Variants in DOCK4 observed in about 807,000 individuals in gnomAD.
The protein encoded by DOCK4 is dedicator of cytokinesis 4.
DOCK4 carries 97 observed loss-of-function variants against 268.1 expected under a neutral mutation model. The ratio of observed to expected loss-of-function variants is 0.36; its 90% CI spans 0.31 to 0.43. The LOEUF is 0.43. Among genes scored for constraint, DOCK4 ranks in the 20% least tolerant of loss-of-function variants. The pLI is 1.00. For missense variants in DOCK4, 2,145 were observed against 2,455.7 expected (o/e 0.87, Z 2.67); for synonymous variants, 954 against 887.2 (o/e 1.08, Z -1.34).
At position 112,117,651 on chromosome 7, in the gene DOCK4, G is replaced by A. The variant is rs531207861; in HGVS notation, c.37+88451C>T. Among the ~76,000 whole-genome samples the A allele has an allele frequency of 7.9e-5, 12 of 152,342 alleles. No homozygotes were observed. The South Asian group carries it at 8.3e-4, about 11-fold the overall frequency. On this transcript the variant is annotated intron_variant, in intron 1 of 52. Coordinates refer to ENST00000428084, the MANE Select transcript of DOCK4 (RefSeq NM_001363540.2). ...CTCCCAAAGTGCTGGGACTACAGGC[G>A]TGAGCCACTGTGCCCAGCCACCTTT...
rs1397782779 is a variant in DOCK4 at position 112,080,658 on chromosome 7, G to T, written c.38-76527C>A. 6.6e-5 allele frequency among the ~76,000 whole-genome samples: 10 copies of T among 152,328 alleles called. No individual in the cohort carries two copies. In the East Asian group the frequency reaches 1.9e-3, roughly 29 times the overall value. On this transcript the variant is annotated intron_variant, in intron 1 of 52. Transcript: ENST00000428084. ...CTTCCCATTTGGCTAAAGGCAGACAGACCTTATGGTAGACTTTTGTTTTCA... is the reference window on the plus strand; with the variant it reads ...CTTCCCATTTGGCTAAAGGCAGACATACCTTATGGTAGACTTTTGTTTTCA...
chr7:111,729,366 T>G (rs1022840249), intron 52 of DOCK4, among the ~76,000 whole-genome samples: 9 of 152,060 alleles, frequency 5.9e-5, no homozygotes, highest in Non-Finnish European at 1.3e-4. Context: ...GAGACCAGCC[T>G]GGGCAACATG....
In DOCK4 at chr7:111,728,458, T is replaced by C. The variant is rs1402633409; in HGVS notation, c.5744A>G (p.Tyr1915Cys). ...ESKTPPPYSV[Y>C]ERTLRRPVPL... ...GACGGGGCGCCGCAGAGTCCGCTCG[T>C]AGACGCTGTACGGGGGCGGAGTCTT... The change falls in exon 53 of 53, where the codon TAC (tyrosine) becomes TGC (cysteine). Residue 1915 changes from tyrosine (Y) to cysteine (C), a missense_variant. Physicochemically the swap from Tyr to Cys is radical, Grantham distance 194. Around this residue, in one of 2 missense-constraint regions of DOCK4, gnomAD observed 547 missense variants for 469.0 expected, o/e 1.17. Transcript: ENST00000428084. The C allele has an allele frequency of 6.2e-7, 1 of 1,609,082 alleles. No individual in the cohort carries two copies. The highest frequency in any genetic ancestry group is 8.5e-7 in the Non-Finnish European group (1 of 1,177,652).
At chr7:112,171,968 T>C (rs1818123523) in intron 1 of DOCK4, among the ~76,000 whole-genome samples, 1 of 152,184 alleles carries the variant, frequency 6.6e-6, no homozygotes, top group African/African-American at 2.4e-5. Context: ...TGCACACGCA[T>C]CCCTGGTGTC....
chr7:111,838,253 A>T (rs1803394263), intron 25 of DOCK4, among the ~76,000 whole-genome samples: 1 of 152,130 alleles, frequency 6.6e-6, no homozygotes, highest in African/African-American at 2.4e-5. Context: ...AATAGTCAAA[A>T]CAACTTTGAA....
At chr7:111,917,067 A>T (rs113068027) in intron 12 of DOCK4, among the ~76,000 whole-genome samples, 7,603 of 141,202 alleles carry the variant, frequency 0.054, 676 homozygotes, top group African/African-American at 0.19. Flanking sequence ...GGCTCACTGC[A>T]ACCTCCGCCT....
At chr7:112,011,434 C>A (rs1184964524) in intron 1 of DOCK4, among the ~76,000 whole-genome samples, 1 of 152,154 alleles carries the variant, frequency 6.6e-6, no homozygotes, top group Non-Finnish European at 1.5e-5. Context: ...GAAAAAATAA[C>A]ATGATTGCAT....
intron 1 of DOCK4, among the ~76,000 whole-genome samples, chr7:112,144,480 A>G (rs66848830): frequency 0.27 from 41,572 of 152,134 alleles, 6,638 homozygotes; most frequent in East Asian, 0.48. Flanking sequence ...AAGGCCACAC[A>G]AAAAATTGCC....
At chr7:112,066,370 C>T (rs1429605587) in intron 1 of DOCK4, among the ~76,000 whole-genome samples, 1 of 151,814 alleles carries the variant, frequency 6.6e-6, no homozygotes. Context: ...TTGGACTAAG[C>T]CACTCTACTG....
At chr7:111,954,858 A>T (rs1448615717) in intron 8 of DOCK4, among the ~76,000 whole-genome samples, 2 of 152,084 alleles carry the variant, frequency 1.3e-5, no homozygotes, top group African/African-American at 2.4e-5. Context: ...CGATACAAAG[A>T]GCCTCGCACC....
At chr7:111,798,873 T>G (rs918547773) in intron 30 of DOCK4, among the ~76,000 whole-genome samples, 1 of 152,246 alleles carries the variant, frequency 6.6e-6, no homozygotes, top group Non-Finnish European at 1.5e-5. Flanking sequence ...AGGAAAGATA[T>G]TCTCTTACCA....
At chr7:111,822,483 T>G (rs1186569759) in intron 26 of DOCK4, 27 bp from the exon 27 acceptor site, 1 of 1,559,408 alleles carries the variant, frequency 6.4e-7, no homozygotes, top group Non-Finnish European at 8.8e-7. Context: ...ATAGATCATT[T>G]TATTGGTTTA....
rs905158649 is a variant in DOCK4 at position 111,808,937 on chromosome 7, G to T, written c.3108-58C>A. On this transcript the variant is annotated intron_variant, in intron 29 of 52. Transcript: ENST00000428084. ...ATGCCTCCAGAACAAGGAAGTATTT[G>T]TGTGTCTTTAGGATACAATCTATCA... is the stretch of plus-strand genomic sequence containing the variant. 1.9e-6 allele frequency: 3 copies of T among 1,554,422 alleles called. No homozygotes were observed. The African/African-American group carries it at 4.1e-5, about 21-fold the overall frequency.
intron 1 of DOCK4, among the ~76,000 whole-genome samples, chr7:112,172,534 T>C (rs923718240): frequency 6.6e-6 from 1 of 152,216 alleles, no homozygotes; most frequent in Non-Finnish European, 1.5e-5. Context: ...AGATATTCAC[T>C]GCCAGTATTA....
intron 13 of DOCK4, 128 bp downstream of exon 13, chr7:111,915,651 A>G: frequency 1.2e-6 from 1 of 863,522 alleles, no homozygotes; most frequent in East Asian, 3.0e-5. Flanking sequence ...ACAGTCACAT[A>G]CCTCATTTCA....
At chr7:112,034,411 C>A (rs115996829) in intron 1 of DOCK4, among the ~76,000 whole-genome samples, 2,161 of 152,222 alleles carry the variant, frequency 0.014, 60 homozygotes, top group African/African-American at 0.044. Context: ...GCTGACTAAA[C>A]CCTGAACATC....
chr7:112,200,620 ATGT>A (rs958987924), intron 1 of DOCK4, among the ~76,000 whole-genome samples: 2 of 150,852 alleles, frequency 1.3e-5, no homozygotes, highest in African/African-American at 4.9e-5. Context: ...AACTCAGAAA[ATGT>A]TGTCTCCTTT....
Position 111,953,249 on chromosome 7 carries a change from G to A in DOCK4, c.702-7451C>T, listed in dbSNP as rs192498902. On this transcript the variant is annotated intron_variant, in intron 8 of 52. Coordinates refer to ENST00000428084, the MANE Select transcript of DOCK4 (RefSeq NM_001363540.2). Reference sequence around the variant, plus strand: ...TAACTACGCTGTTTGAAGAGTGTGAGGATAACAATTAATACCCATTCTACA... The same window carrying A: ...TAACTACGCTGTTTGAAGAGTGTGAAGATAACAATTAATACCCATTCTACA... Among the ~76,000 whole-genome samples, 389 of 151,918 alleles carry A rather than the reference G, an allele frequency of 2.6e-3. 4 individuals carry two copies. The highest frequency in any genetic ancestry group is 4.9e-4 in the Non-Finnish European group (33 of 67,970).
chr7:112,017,391 G>A (rs1043801756), intron 1 of DOCK4, among the ~76,000 whole-genome samples: 6 of 152,148 alleles, frequency 3.9e-5, no homozygotes, highest in African/African-American at 1.2e-4. Context: ...CTACTTAATC[G>A]ATTAAACAAC....
Sources: allele counts gnomAD v4.1 joint callset (sites outside exome capture counted in the v4.1 genomes callset), GRCh38; gene constraint gnomAD v4.1.1; regional missense constraint gnomAD v4.1.1; transcripts MANE v1.5; gene names NCBI Gene and HGNC (gene_info 2026-07-23, HGNC 2026-07-21).